Variants in ENTREP2 observed in about 807,000 individuals in gnomAD.
ENTREP2 encodes protein ENTREP2.
At chr15:29,126,303 T>A in the ENTREP2 span, 1 of 1,493,534 alleles carries the variant, frequency 6.7e-7, no homozygotes, top group South Asian at 1.3e-5. Context: ...GGGTCGCTGG[T>A]GGAGCGGGAC....
At chr15:29,293,657 C>G in the ENTREP2 span, among the ~76,000 whole-genome samples, 2 of 152,200 alleles carry the variant, frequency 1.3e-5, no homozygotes, top group Non-Finnish European at 1.5e-5. Context: ...CTGTGGGCAT[C>G]GCTCTGTCCA....
chr15:29,469,091 A>T, the ENTREP2 span, among the ~76,000 whole-genome samples: 2 of 152,170 alleles, frequency 1.3e-5, no homozygotes, highest in Non-Finnish European at 2.9e-5. Flanking sequence ...AGAAATGCTG[A>T]CACATGCAAC....
the ENTREP2 span, among the ~76,000 whole-genome samples, chr15:29,403,938 C>G: frequency 1.3e-5 from 2 of 152,192 alleles, no homozygotes; most frequent in Non-Finnish European, 2.9e-5. Flanking sequence ...CCTGGCTGGC[C>G]GCTGCAGGGC....
the ENTREP2 span, among the ~76,000 whole-genome samples, chr15:29,531,399 G>T: frequency 3.3e-5 from 5 of 152,094 alleles, no homozygotes; most frequent in Non-Finnish European, 7.3e-5. Context: ...ACTGAAAGTG[G>T]ACTGGTGTGG....
the ENTREP2 span, among the ~76,000 whole-genome samples, chr15:29,398,792 C>T: frequency 1.2e-4 from 18 of 149,542 alleles, 1 homozygote; most frequent in African/African-American, 4.3e-4. Context: ...TATGAGATGG[C>T]CCCCAAGGTC....
the ENTREP2 span, among the ~76,000 whole-genome samples, chr15:29,624,903 G>T: frequency 1.3e-5 from 2 of 150,494 alleles, no homozygotes; most frequent in Non-Finnish European, 2.9e-5. Context: ...GTGTGTGTGT[G>T]TGTGTATAGT....
the ENTREP2 span, among the ~76,000 whole-genome samples, chr15:29,166,379 C>T: frequency 2.0e-5 from 3 of 152,180 alleles, no homozygotes; most frequent in Non-Finnish European, 4.4e-5. Flanking sequence ...GGAAGTCAAA[C>T]TGTCACTGTT....
At chr15:29,598,640 T>C in the ENTREP2 span, among the ~76,000 whole-genome samples, 1 of 152,218 alleles carries the variant, frequency 6.6e-6, no homozygotes, top group African/African-American at 2.4e-5. Context: ...TGGTAACAAA[T>C]TTTGAGGCTT....
chr15:29,541,568 G>A, the ENTREP2 span, among the ~76,000 whole-genome samples: 12 of 152,294 alleles, frequency 7.9e-5, no homozygotes, highest in African/African-American at 2.6e-4. Context: ...TGGGTGAGAC[G>A]TGAAGCATAA....
the ENTREP2 span, among the ~76,000 whole-genome samples, chr15:29,272,901 C>G: frequency 2.6e-5 from 4 of 152,138 alleles, no homozygotes; most frequent in African/African-American, 9.7e-5. Context: ...CAGAACTACT[C>G]CATGGTTGGT....
At chr15:29,390,119 T>G in the ENTREP2 span, among the ~76,000 whole-genome samples, 2 of 152,042 alleles carry the variant, frequency 1.3e-5, no homozygotes, top group African/African-American at 2.4e-5. Flanking sequence ...CCAAGGGCGG[T>G]TGATGTAAAA....
At chr15:29,331,220 A>C in the ENTREP2 span, among the ~76,000 whole-genome samples, 6 of 152,222 alleles carry the variant, frequency 3.9e-5, no homozygotes, top group African/African-American at 1.2e-4. Context: ...GCAGCTTCTC[A>C]ATCGGCAGCA....
the ENTREP2 span, among the ~76,000 whole-genome samples, chr15:29,175,419 C>T: frequency 0.068 from 10,343 of 152,250 alleles, 1,197 homozygotes; most frequent in African/African-American, 0.24. Flanking sequence ...AAAACACAGG[C>T]TCCTGCAGAC....
At chr15:29,372,931 A>T in the ENTREP2 span, among the ~76,000 whole-genome samples, 3 of 152,280 alleles carry the variant, frequency 2.0e-5, no homozygotes, top group African/African-American at 4.8e-5. Context: ...ATAAAGTTAG[A>T]GTCTTCATAC....
the ENTREP2 span, among the ~76,000 whole-genome samples, chr15:29,298,819 C>T: frequency 6.6e-6 from 1 of 152,112 alleles, no homozygotes; most frequent in Non-Finnish European, 1.5e-5. Context: ...CTTACATGAA[C>T]TCTTCCAGAA....
At chr15:29,480,746 C>G in the ENTREP2 span, among the ~76,000 whole-genome samples, 19 of 152,218 alleles carry the variant, frequency 1.2e-4, no homozygotes, top group Admixed American at 1.2e-3. Flanking sequence ...GGTTTAGAGG[C>G]ATTGAACATC....
the ENTREP2 span, among the ~76,000 whole-genome samples, chr15:29,201,256 C>A: frequency 9.2e-5 from 14 of 152,118 alleles, no homozygotes; most frequent in East Asian, 2.5e-3. Context: ...AATCTTTATG[C>A]CTTTTATTTT....
At chr15:29,437,812 C>A in the ENTREP2 span, among the ~76,000 whole-genome samples, 9 of 152,258 alleles carry the variant, frequency 5.9e-5, no homozygotes, top group African/African-American at 1.9e-4. Flanking sequence ...AAAGTGGTGT[C>A]CTCCTGAATG....
chr15:29,217,396 G>A, the ENTREP2 span, among the ~76,000 whole-genome samples: 2 of 152,270 alleles, frequency 1.3e-5, no homozygotes, highest in East Asian at 1.9e-4. Flanking sequence ...TAGTAAAAAC[G>A]AGGTTGGGCA....
Sources: allele counts gnomAD v4.1 joint callset (sites outside exome capture counted in the v4.1 genomes callset), GRCh38; gene constraint gnomAD v4.1.1; transcripts MANE v1.5; gene names NCBI Gene and HGNC (gene_info 2026-07-23, HGNC 2026-07-21).